CDK8: variants seen among roughly 807,000 people sequenced by gnomAD.
CDK8 encodes the protein cyclin dependent kinase 8.
CDK8 carries 29 observed loss-of-function variants against 71.5 expected under a neutral mutation model. The ratio of observed to expected loss-of-function variants is 0.41; its 90% CI spans 0.30 to 0.55. The LOEUF (loss-of-function observed/expected upper bound fraction) is 0.55. Ranked by LOEUF, CDK8 falls within the 20% of genes least tolerant of loss-of-function variation. The probability of loss-of-function intolerance (pLI) is 0.37; values close to 1 mark genes in which losing one functional copy is unlikely to be tolerated. For missense variants in CDK8, 288 were observed against 572.6 expected, an observed-to-expected ratio of 0.50 and a Z score of 5.07; for synonymous variants, 161 against 192.1, an observed-to-expected ratio of 0.84 and a Z score of 1.34.
intron 1 of CDK8, among the ~76,000 whole-genome samples, chr13:26,257,433 A>G (rs1225943778): frequency 6.6e-6 from 1 of 152,230 alleles, no homozygotes; most frequent in Non-Finnish European, 1.5e-5. Context: ...GCATGATTGC[A>G]TAGTAGGGAA....
intron 4 of CDK8, among the ~76,000 whole-genome samples, chr13:26,380,366 A>G (rs953898895): frequency 1.3e-5 from 2 of 151,964 alleles, no homozygotes; most frequent in African/African-American, 4.8e-5. Flanking sequence ...TTTTTAGTAG[A>G]GATAGGGTTT....
At chr13:26,364,694 G>A (rs528899594) in intron 4 of CDK8, among the ~76,000 whole-genome samples, 41 of 152,272 alleles carry the variant, frequency 2.7e-4, no homozygotes, top group Non-Finnish European at 5.3e-4. Flanking sequence ...TGTTATTAAA[G>A]CTCACATGTA....
rs1465746934 is a variant in CDK8 at position 26,402,893 on chromosome 13, C to CT, written c.1270-1062dup. On this transcript the variant is annotated intron_variant, in intron 12 of 12. Coordinates refer to ENST00000381527, the MANE Select transcript of CDK8 (RefSeq NM_001260.3). ...ATGAATTTTAAAATAGTATTTGTGA[C>CT]TATCATTTCATGTGTCCACTCTTTT... is the stretch of plus-strand genomic sequence containing the variant. Among the ~76,000 whole-genome samples the CT allele has an allele frequency of 2.6e-5, 4 of 152,288 alleles. No homozygotes were observed. In the East Asian group the frequency reaches 7.7e-4, roughly 29 times the overall value.
At chr13:26,399,990 C>T (rs927464142) in intron 9 of CDK8, 2 of 196,042 alleles carry the variant, frequency 1.0e-5, no homozygotes, top group East Asian at 1.5e-4. Context: ...AGCCACTAGC[C>T]ACATTTGGCT....
rs539715830 is a variant in CDK8, at chr13:26,304,841, A to G, written c.129-32726A>G. On this transcript the variant is annotated intron_variant, in intron 1 of 12. Coordinates refer to ENST00000381527, the MANE Select transcript of CDK8 (RefSeq NM_001260.3). ...TTTAATTTTAAAATTTTAAATTATT[A>G]TTATTTTATAGAGATGAGGGTCTCA... 6.6e-5 allele frequency among the ~76,000 whole-genome samples: 10 copies of G among 151,798 alleles called. No homozygotes were observed. In the South Asian group the frequency reaches 2.1e-3, roughly 32 times the overall value.
chr13:26,341,554 A>C (rs1400810485), intron 2 of CDK8, among the ~76,000 whole-genome samples: 1 of 152,228 alleles, frequency 6.6e-6, no homozygotes, highest in African/African-American at 2.4e-5. Flanking sequence ...AACTGTCACC[A>C]TACTCATGTT....
chr13:26,321,303 A>G (rs994049561), intron 1 of CDK8, among the ~76,000 whole-genome samples: 3 of 152,184 alleles, frequency 2.0e-5, no homozygotes, highest in African/African-American at 7.2e-5. Flanking sequence ...AATACTGTAT[A>G]TTTCCACTTA....
intron 6 of CDK8, among the ~76,000 whole-genome samples, chr13:26,390,760 A>G (rs894481894): frequency 6.6e-6 from 1 of 152,206 alleles, no homozygotes; most frequent in African/African-American, 2.4e-5. Context: ...GAAGCTTGCT[A>G]TTACTACACT....
chr13:26,369,030 G>A (rs1376568258), intron 4 of CDK8, among the ~76,000 whole-genome samples: 4 of 151,752 alleles, frequency 2.6e-5, no homozygotes, highest in Non-Finnish European at 5.9e-5. Context: ...TCTTCTGTTC[G>A]TATATTACCT....
chr13:26,254,559 G>A lies in CDK8; in HGVS notation c.-83G>A. The stretch of plus-strand genomic sequence containing the variant: ...GCGTAGAGCGGGCGGGTTCCCGGGG[G>A]CTGCGGCTGCCCGTGCTTCCCCGGT... On this transcript the variant is annotated 5_prime_UTR_variant, in exon 1 of 13. Transcript: ENST00000381527. The surrounding 1 kb of genome is among the most constrained non-coding windows in gnomAD (Gnocchi z 6.7). 1 of 1,260,844 alleles carries A rather than the reference G, an allele frequency of 7.9e-7. No homozygotes were observed. The highest frequency in any genetic ancestry group is 1.1e-6 in the Non-Finnish European group (1 of 919,746). 78.1% of individuals were successfully genotyped at this position (1,260,844 alleles called of 1,614,324 possible). A position where few individuals can be genotyped will look rare whatever the true frequency, so the allele number is the denominator to read the frequency against.
At chr13:26,400,809 G>A (rs1332413580) in intron 10 of CDK8, among the ~76,000 whole-genome samples, 1 of 152,052 alleles carries the variant, frequency 6.6e-6, no homozygotes, top group Non-Finnish European at 1.5e-5. Context: ...TGACAGGTTG[G>A]TTATGCGTGC....
At chr13:26,316,873 A>AAAG (rs1349518343) in intron 1 of CDK8, among the ~76,000 whole-genome samples, 3 of 152,226 alleles carry the variant, frequency 2.0e-5, no homozygotes, top group African/African-American at 4.8e-5. Context: ...ATGGCAGGTC[A>AAAG]ACTAGATAAA....
chr13:26,384,919 G>A lies in CDK8; in HGVS notation c.515-292G>A, dbSNP rs577822751. Among the ~76,000 whole-genome samples, 10 of 152,284 alleles carry A rather than the reference G, an allele frequency of 6.6e-5. No individual in the cohort carries two copies. The South Asian group carries it at 2.1e-3, about 32-fold the overall frequency. ...GCAGCTCAACAACCCTGTCCCTAAC[G>A]GTGGGGTGACACATGGAAAGAAAAA... is the stretch of plus-strand genomic sequence containing the variant. On this transcript the variant is annotated intron_variant, in intron 5 of 12. Transcript: ENST00000381527.
chr13:26,306,622 C>CTTTT (rs554661537), intron 1 of CDK8, among the ~76,000 whole-genome samples: 2 of 126,698 alleles, frequency 1.6e-5, no homozygotes, highest in Non-Finnish European at 1.7e-5. Flanking sequence ...CCTTATTGCT[C>CTTTT]TTTTTTTTTT....
chr13:26,401,693 T>A lies in CDK8; in HGVS notation c.1269+69T>A. On this transcript the variant is annotated intron_variant, in intron 12 of 12. Transcript: ENST00000381527. This position sits in a 1 kb window ranked among gnomAD's most constrained non-coding sequence, Gnocchi z 4.5. Reference sequence around the variant, plus strand: ...ATATGGGTTTATGATCGTGGGAAAATGTGATTTAATTGAGAAATACTGACG... The same window carrying A: ...ATATGGGTTTATGATCGTGGGAAAAAGTGATTTAATTGAGAAATACTGACG... 1 of 1,488,542 alleles carries A rather than the reference T, an allele frequency of 6.7e-7. No homozygotes were observed. Among genetic ancestry groups the A allele is most frequent in the Non-Finnish European group, 9.3e-7 (1 of 1,070,288 alleles). The allele number at this position is 1,488,542 out of a possible 1,614,324, so 92.2% of individuals were successfully genotyped here.
At chr13:26,364,079 T>C (rs1046893285) in intron 4 of CDK8, among the ~76,000 whole-genome samples, 11 of 152,142 alleles carry the variant, frequency 7.2e-5, no homozygotes, top group Non-Finnish European at 1.6e-4. Context: ...AGTGGAAAAA[T>C]TGAGAAGCAA....
At chr13:26,361,142 A>C (rs1342203997) in intron 4 of CDK8, among the ~76,000 whole-genome samples, 2 of 152,152 alleles carry the variant, frequency 1.3e-5, no homozygotes, top group Non-Finnish European at 2.9e-5. Flanking sequence ...GAACATTACT[A>C]TCATAGTTAA....
intron 1 of CDK8, among the ~76,000 whole-genome samples, chr13:26,317,661 G>T (rs1478132165): frequency 6.6e-6 from 1 of 152,152 alleles, no homozygotes; most frequent in Non-Finnish European, 1.5e-5. Flanking sequence ...TCACAAAATT[G>T]TGGAAATTAC....
intron 4 of CDK8, among the ~76,000 whole-genome samples, chr13:26,370,466 T>G: frequency 6.6e-6 from 1 of 152,208 alleles, no homozygotes. Context: ...TCATTTCTGG[T>G]TGAAATTCTT....
Sources: allele counts gnomAD v4.1 joint callset (sites outside exome capture counted in the v4.1 genomes callset), GRCh38; gene constraint gnomAD v4.1.1; non-coding constraint Gnocchi (gnomAD v3.1); transcripts MANE v1.5; gene names NCBI Gene and HGNC (gene_info 2026-07-23, HGNC 2026-07-21).